Variants in PFKM observed in about 807,000 individuals in gnomAD.
The protein encoded by PFKM is ATP-dependent 6-phosphofructokinase, muscle type.
PFKM carries 58 observed loss-of-function variants against 95.5 expected under a neutral mutation model. That is an observed-to-expected ratio of 0.61 (90% CI 0.49 to 0.76). PFKM has a LOEUF of 0.76. Among genes scored for constraint, PFKM ranks in the 30% least tolerant of loss-of-function variants. The probability of loss-of-function intolerance (pLI) is 0.00; values close to 1 mark genes in which losing one functional copy is unlikely to be tolerated. For synonymous variants in PFKM, 336 were observed against 357.2 expected, an observed-to-expected ratio of 0.94 and a Z score of 0.67; for missense variants, 678 against 1,005.4, an observed-to-expected ratio of 0.67 and a Z score of 4.40.
rs764516934 is a variant in PFKM, at chr12:48,135,359, G to A, written c.912G>A (p.Thr304=). 6 of 1,613,624 alleles carry A rather than the reference G, an allele frequency of 3.7e-6. No homozygotes were observed. The highest frequency in any genetic ancestry group is 1.7e-4 in the Middle Eastern group (1 of 6,060). The change falls in exon 10 of 23, where the codon ACG becomes ACA. Residue 304 remains threonine, a synonymous_variant. Transcript: ENST00000359794. ...TGGGGCATGTGCAGAGGGGTGGGACGCCATCAGCCTTTGACAGAATTCTGG... is the reference window on the plus strand; with the variant it reads ...TGGGGCATGTGCAGAGGGGTGGGACACCATCAGCCTTTGACAGAATTCTGG... ...TVLGHVQRGG[T]PSAFDRILGS... is the part of the protein sequence containing the mutation.
Position 48,141,949 on chromosome 12 carries a change from G to A in PFKM, c.1536G>A (p.Arg512=). 1 of 1,614,154 alleles carries A rather than the reference G, an allele frequency of 6.2e-7. No homozygotes were observed. The highest frequency in any genetic ancestry group is 8.5e-7 in the Non-Finnish European group (1 of 1,180,034). The change falls in exon 17 of 23, where the codon AGG becomes AGA. Residue 512 remains arginine (R), a synonymous_variant. Transcript: ENST00000359794. ...GGGGCCTGGAACTGATGGAGGGCAG[G>A]AAGCAGTTTGATGAGCTCTGCATCC... ...YTGGLELMEG[R]KQFDELCIPF...
intron 2 of PFKM, among the ~76,000 whole-genome samples, chr12:48,125,047 C>T (rs1332671197): frequency 1.3e-5 from 2 of 152,136 alleles, no homozygotes; most frequent in African/African-American, 2.4e-5. Context: ...TTCAGCAAAG[C>T]TAATCATCTC....
Position 48,130,940 on chromosome 12 carries a change from G to A in PFKM, c.160-376G>A, listed in dbSNP as rs527492399. Among the ~76,000 whole-genome samples the A allele has an allele frequency of 5.9e-5, 9 of 152,204 alleles. No individual in the cohort carries two copies. In the South Asian group the frequency reaches 1.9e-3, roughly 32 times the overall value. On this transcript the variant is annotated intron_variant, in intron 3 of 22. Transcript: ENST00000359794. ...TTTATAATCTTTTAGAGCAAGTCGCGTTTCTTTCCTTCCCTCCCACCAACT... is the reference window on the plus strand; with the variant it reads ...TTTATAATCTTTTAGAGCAAGTCGCATTTCTTTCCTTCCCTCCCACCAACT...
upstream of PFKM, chr12:48,105,477 GTTTC>G (rs1327798669): frequency 1.9e-6 from 1 of 519,110 alleles, no homozygotes; most frequent in Admixed American, 1.9e-5. Flanking sequence ...GGGTCCAGAC[GTTTC>G]TTTCTGATGG....
chr12:48,107,992 T>C (rs1946850535), intron 2 of PFKM: 1 of 1,448,812 alleles, frequency 6.9e-7, no homozygotes, highest in Non-Finnish European at 9.5e-7. Flanking sequence ...CTCAGAGTCA[T>C]AGGGAAAATG....
intron 13 of PFKM, among the ~76,000 whole-genome samples, chr12:48,140,455 G>A (rs1592786324): frequency 6.6e-6 from 1 of 152,190 alleles, no homozygotes; most frequent in Non-Finnish European, 1.5e-5. Flanking sequence ...GCTCTGGAAG[G>A]TCTCTCATTC....
At chr12:48,139,944 TTCCTTC>T in intron 13 of PFKM, 32 bp downstream of exon 13, 1 of 1,436,030 alleles carries the variant, frequency 7.0e-7, no homozygotes, top group Non-Finnish European at 9.8e-7. Context: ...CTCTCCCCTT[TTCCTTC>T]TCCCTCCCCC....
chr12:48,135,204 G>C (rs1312127316), intron 9 of PFKM, 87 bp from the exon 10 acceptor site: 1 of 1,243,698 alleles, frequency 8.0e-7, no homozygotes. Context: ...AAGAGGCTGA[G>C]CTGTCCATGG....
intron 1 of PFKM, chr12:48,106,388 G>A (rs2137466625): frequency 2.1e-6 from 1 of 469,588 alleles, no homozygotes; most frequent in South Asian, 2.9e-5. Context: ...TCCGCCCGGC[G>A]AGTTTTGCTT....
chr12:48,122,782 A>T lies in PFKM; in HGVS notation c.8A>T (p.His3Leu). The T allele has an allele frequency of 6.2e-7, 1 of 1,614,114 alleles. No homozygotes were observed. The highest frequency in any genetic ancestry group is 8.5e-7 in the Non-Finnish European group (1 of 1,179,952). MTHEEHHAAKTLG... is the reference protein window; with the variant it reads MTLEEHHAAKTLG... The stretch of plus-strand genomic sequence containing the variant: ...TAAATTCTAGAGTGGATCATGACCC[A>T]TGAAGAGCACCATGCAGCCAAAACC... The change falls in exon 2 of 23, where the codon CAT becomes CTT. Residue 3 changes from histidine (H) to leucine (L), a missense_variant. By Grantham distance (99) the His-to-Leu change is moderately conservative. Transcript: ENST00000359794.
intron 10 of PFKM, among the ~76,000 whole-genome samples, chr12:48,136,256 A>G (rs554311963): frequency 3.9e-5 from 6 of 152,130 alleles, no homozygotes; most frequent in Non-Finnish European, 8.8e-5. Context: ...AATCTTATGT[A>G]TATTATATAA....
At chr12:48,122,623 C>G in intron 1 of PFKM, 144 bp from the exon 2 acceptor site, 4 of 1,499,922 alleles carry the variant, frequency 2.7e-6, no homozygotes. Context: ...GGAAGAAGTC[C>G]AAAGCTCTCA....
At position 48,105,977 on chromosome 12, in the gene PFKM, A is replaced by G. The variant is rs1029937235; in HGVS notation, c.-170A>G. ...GACCGGGTCCGACACAGTCTCCTGG[A>G]CCAGGCTCCCTCCATCCTCACCCCT... is the stretch of plus-strand genomic sequence containing the variant. On this transcript the variant is annotated 5_prime_UTR_variant, in exon 1 of 25. Coordinates refer to the PFKM transcript ENST00000340802. The G allele has an allele frequency of 9.3e-5, 65 of 699,628 alleles. 3 individuals carry two copies. Among genetic ancestry groups the G allele is most frequent in the Non-Finnish European group, 1.6e-4 (63 of 384,264 alleles). 43.3% of individuals were successfully genotyped at this position (699,628 alleles called of 1,614,324 possible).
chr12:48,105,654 C>A (rs991248404), upstream of PFKM: 3 of 432,522 alleles, frequency 6.9e-6, no homozygotes, highest in Non-Finnish European at 1.3e-5. Context: ...GTGAAAACAG[C>A]TCTCCCCAGA....
chr12:48,132,457 G>A (rs1176114813), intron 4 of PFKM, among the ~76,000 whole-genome samples: 1 of 152,194 alleles, frequency 6.6e-6, no homozygotes, highest in African/African-American at 2.4e-5. Flanking sequence ...ACATTGGGAT[G>A]AACTCCTAAT....
chr12:48,128,573 C>T (rs1386569300), intron 2 of PFKM, among the ~76,000 whole-genome samples: 2 of 152,148 alleles, frequency 1.3e-5, no homozygotes, highest in Admixed American at 1.3e-4. Context: ...AGTATTTGTT[C>T]AGTGAACAAA....
At chr12:48,117,863 A>T (rs1947809775), upstream of PFKM, among the ~76,000 whole-genome samples, 1 of 152,182 alleles carries the variant, frequency 6.6e-6, no homozygotes, top group Admixed American at 6.5e-5. Context: ...TATATGTAAG[A>T]TGTACATTCA....
upstream of PFKM, among the ~76,000 whole-genome samples, chr12:48,117,864 T>G (rs1947810159): frequency 6.6e-6 from 1 of 152,162 alleles, no homozygotes; most frequent in African/African-American, 2.4e-5. Context: ...ATATGTAAGA[T>G]GTACATTCAT....
In PFKM at chr12:48,143,648, C is replaced by G. The variant is rs1950773084; in HGVS notation, c.1819-105C>G. 3 of 850,800 alleles carry G rather than the reference C, an allele frequency of 3.5e-6. No homozygotes were observed. The African/African-American group carries it at 5.0e-5, about 14-fold the overall frequency. The allele number at this position is 850,800 out of a possible 1,614,324, so 52.7% of individuals were successfully genotyped here. A position where few individuals can be genotyped will look rare whatever the true frequency, so the allele number is the denominator to read the frequency against. Reference sequence around the variant, plus strand: ...CAGGCCCAGGATTGTAAACAACTCTCTTCCATGTGTCTCTTCCTTCCTGGA... The same window carrying G: ...CAGGCCCAGGATTGTAAACAACTCTGTTCCATGTGTCTCTTCCTTCCTGGA... On this transcript the variant is annotated intron_variant, in intron 18 of 22. Transcript: ENST00000359794.
Sources: gnomAD v4.1 joint callset for allele counts (sites outside exome capture counted in the v4.1 genomes callset) on GRCh38, gnomAD v4.1.1 for gene constraint, MANE v1.5 for transcripts, NCBI Gene and HGNC (gene_info 2026-07-23, HGNC 2026-07-21) for gene names.